Variants in SLC39A11 observed in about 807,000 individuals in gnomAD.
SLC39A11 encodes zinc transporter ZIP11.
SLC39A11 carries 33 observed loss-of-function variants against 36.1 expected under a neutral mutation model. The observed-to-expected ratio is 0.91, with a 90% CI of 0.69 to 1.22. The LOEUF (loss-of-function observed/expected upper bound fraction) is 1.22, where lower values mean the gene tolerates loss of function less well. Among genes scored for constraint, SLC39A11 ranks in the 50% most tolerant of loss-of-function variants. SLC39A11 has a pLI of 0.00. For synonymous variants in SLC39A11, 166 were observed against 170.3 expected, an observed-to-expected ratio of 0.97 and a Z score of 0.20; for missense variants, 432 against 430.3, an observed-to-expected ratio of 1.00 and a Z score of -0.03.
chr17:73,029,735 C>T (rs1465059676), intron 4 of SLC39A11, among the ~76,000 whole-genome samples: 2 of 152,226 alleles, frequency 1.3e-5, no homozygotes, highest in Non-Finnish European at 2.9e-5. Context: ...GTGCGCACCA[C>T]CACACCCAGC....
At chr17:72,683,131 T>A (rs1348674987) in intron 7 of SLC39A11, among the ~76,000 whole-genome samples, 1 of 152,184 alleles carries the variant, frequency 6.6e-6, no homozygotes, top group Non-Finnish European at 1.5e-5. Flanking sequence ...GCCCCCTACA[T>A]TCTAATTTAC....
intron 4 of SLC39A11, among the ~76,000 whole-genome samples, chr17:73,012,258 A>G (rs2148510533): frequency 6.6e-6 from 1 of 152,158 alleles, no homozygotes; most frequent in African/African-American, 2.4e-5. Context: ...CCTGTGACAG[A>G]GCAAGACTCT....
At chr17:72,985,343 TCAGGTATTACC>T (rs2088643274) in intron 4 of SLC39A11, among the ~76,000 whole-genome samples, 1 of 151,624 alleles carries the variant, frequency 6.6e-6, no homozygotes, top group Admixed American at 6.6e-5. Flanking sequence ...TCTGACCCTA[TCAGGTATTACC>T]CACTTGTGAC....
At chr17:72,738,501 A>G (rs555225800) in intron 6 of SLC39A11, among the ~76,000 whole-genome samples, 27 of 152,240 alleles carry the variant, frequency 1.8e-4, no homozygotes, top group African/African-American at 5.5e-4. Flanking sequence ...CCACTCGCCT[A>G]GGGATCAGAT....
chr17:72,916,822 A>G (rs1299114770), intron 5 of SLC39A11, among the ~76,000 whole-genome samples: 1 of 151,948 alleles, frequency 6.6e-6, no homozygotes, highest in Non-Finnish European at 1.5e-5. Flanking sequence ...AGCCCACCCA[A>G]CTCATTGACC....
intron 5 of SLC39A11, among the ~76,000 whole-genome samples, chr17:72,861,131 TGGA>T (rs1468595173): frequency 6.6e-6 from 1 of 152,186 alleles, no homozygotes; most frequent in African/African-American, 2.4e-5. Flanking sequence ...AGGCCCATGG[TGGA>T]GGAGAAAAAA....
At chr17:72,984,738 G>A (rs185114580) in intron 4 of SLC39A11, among the ~76,000 whole-genome samples, 4 of 152,346 alleles carry the variant, frequency 2.6e-5, no homozygotes, top group East Asian at 1.9e-4. Context: ...AAGTCTCACC[G>A]CATCTGGTTA....
chr17:72,743,441 T>C (rs2567469), intron 6 of SLC39A11, among the ~76,000 whole-genome samples: 78,189 of 152,028 alleles, frequency 0.51, 21,372 homozygotes, highest in Non-Finnish European at 0.62. Context: ...ATGAGCATTC[T>C]GTGATGGTTT....
At chr17:72,650,757 C>T (rs2069812591) in intron 7 of SLC39A11, among the ~76,000 whole-genome samples, 1 of 152,208 alleles carries the variant, frequency 6.6e-6, no homozygotes, top group Non-Finnish European at 1.5e-5. Context: ...CACGTCCATC[C>T]ATCTTGCTGC....
At chr17:72,702,306 G>T (rs1009332783) in intron 7 of SLC39A11, among the ~76,000 whole-genome samples, 2 of 152,134 alleles carry the variant, frequency 1.3e-5, no homozygotes, top group African/African-American at 4.8e-5. Context: ...AGGCCTTCAA[G>T]TGCTTGAAGC....
intron 5 of SLC39A11, among the ~76,000 whole-genome samples, chr17:72,855,545 C>T (rs911011049): frequency 6.6e-6 from 1 of 151,710 alleles, no homozygotes; most frequent in Non-Finnish European, 1.5e-5. Flanking sequence ...GAAGAGTGGC[C>T]AGCAACATAT....
intron 5 of SLC39A11, among the ~76,000 whole-genome samples, chr17:72,906,603 C>A (rs1443061177): frequency 1.3e-5 from 2 of 152,188 alleles, no homozygotes; most frequent in Non-Finnish European, 2.9e-5. Context: ...TACACTGAAT[C>A]CTCCTGACTC....
intron 6 of SLC39A11, among the ~76,000 whole-genome samples, chr17:72,800,301 T>G (rs11651804): frequency 0.65 from 94,171 of 144,332 alleles, 31,433 homozygotes; most frequent in Non-Finnish European, 0.74. Flanking sequence ...AAACCTACAA[T>G]AATTTTTTTT....
intron 6 of SLC39A11, among the ~76,000 whole-genome samples, chr17:72,807,599 C>T (rs921907412): frequency 7.2e-5 from 11 of 152,194 alleles, no homozygotes; most frequent in Admixed American, 7.2e-4. Flanking sequence ...ATTAAGCCGT[C>T]TAAAAACTCA....
chr17:72,934,609 T>C (rs2084629662), intron 5 of SLC39A11, among the ~76,000 whole-genome samples: 1 of 152,152 alleles, frequency 6.6e-6, no homozygotes, highest in Non-Finnish European at 1.5e-5. Context: ...GAGGTTGCTG[T>C]GAGCCGAGAT....
intron 4 of SLC39A11, 23 bp from the exon 5 acceptor site, chr17:72,947,898 C>T: frequency 6.2e-7 from 1 of 1,611,526 alleles, no homozygotes; most frequent in African/African-American, 1.3e-5. Flanking sequence ...GCGGTAACAT[C>T]ACTAGAGCAC....
chr17:72,900,192 A>AAGGAAG (rs1567912855), intron 5 of SLC39A11, among the ~76,000 whole-genome samples: 2 of 137,046 alleles, frequency 1.5e-5, no homozygotes, highest in African/African-American at 6.8e-5. Context: ...AAAGAAAGAA[A>AAGGAAG]GAAAGAAAGA....
chr17:72,856,897 T>C (rs989509667), intron 5 of SLC39A11, among the ~76,000 whole-genome samples: 5 of 152,170 alleles, frequency 3.3e-5, no homozygotes, highest in African/African-American at 1.2e-4. Context: ...GCCAGGCTGG[T>C]CTTGAACTCC....
At chr17:72,822,917 G>T (rs1362985666) in intron 6 of SLC39A11, among the ~76,000 whole-genome samples, 2 of 150,324 alleles carry the variant, frequency 1.3e-5, no homozygotes, top group African/African-American at 4.9e-5. Flanking sequence ...GTCTTGCCCT[G>T]TTTTTGTAGA....
Sources: allele counts gnomAD v4.1 joint callset (sites outside exome capture counted in the v4.1 genomes callset), GRCh38; gene constraint gnomAD v4.1.1; transcripts MANE v1.5; gene names NCBI Gene and HGNC (gene_info 2026-07-23, HGNC 2026-07-21).